The following PTPRQ variants were observed in gnomAD, a reference collection of about 807,000 sequenced individuals.
The protein encoded by PTPRQ is protein tyrosine phosphatase receptor type Q.
In PTPRQ, 199 loss-of-function variants were observed where a neutral mutation model predicts 246.0. That is an observed-to-expected ratio of 0.81 (90% confidence interval 0.72 to 0.91). The LOEUF (loss-of-function observed/expected upper bound fraction) is 0.91, where lower values mean the gene tolerates loss of function less well. Ranked by LOEUF, PTPRQ falls within the 40% of genes least tolerant of loss-of-function variation. The probability of loss-of-function intolerance (pLI) is 0.00; values close to 1 mark genes in which losing one functional copy is unlikely to be tolerated. For missense variants in PTPRQ, 2,624 were observed against 2,528.4 expected, an observed-to-expected ratio of 1.04 and a Z score of -0.81; for synonymous variants, 869 against 853.2, an observed-to-expected ratio of 1.02 and a Z score of -0.32.
intron 17 of PTPRQ, among the ~76,000 whole-genome samples, chr12:80,527,337 A>T (rs1895716914): frequency 6.6e-6 from 1 of 152,134 alleles, no homozygotes; most frequent in African/African-American, 2.4e-5. Context: ...TCATTATTAT[A>T]CTATACTATT....
At chr12:80,451,372 A>G (rs1309789775) in intron 3 of PTPRQ, among the ~76,000 whole-genome samples, 1 of 98,338 alleles carries the variant, frequency 1.0e-5, no homozygotes, top group African/African-American at 4.2e-5. Context: ...TTGTGTCTCT[A>G]TGTCCTTCAG....
chr12:80,546,106 T>A (rs901263447), intron 23 of PTPRQ, among the ~76,000 whole-genome samples: 1 of 152,062 alleles, frequency 6.6e-6, no homozygotes, highest in African/African-American at 2.4e-5. Flanking sequence ...TCACCTCAGG[T>A]CAGGAGTTCA....
rs1455591018 is a variant in PTPRQ, at chr12:80,670,329, C to CG, written c.6454-14dup. The CG allele has an allele frequency of 1.3e-6, 2 of 1,547,610 alleles. No individual in the cohort carries two copies. Among genetic ancestry groups the CG allele is most frequent in the African/African-American group, 2.7e-5 (2 of 72,736 alleles). ...TAAATAATTTTGTCATTCATTAATC[C>CG]GTCCCTTTGTCTAGCATGGGGATTG... is the stretch of plus-strand genomic sequence containing the variant. On this transcript the variant is annotated splice_polypyrimidine_tract_variant and intron_variant, in intron 41 of 44. Transcript: ENST00000644991.
intron 35 of PTPRQ, among the ~76,000 whole-genome samples, chr12:80,642,883 GCA>G (rs1168760822): frequency 1.1e-3 from 137 of 129,574 alleles, no homozygotes; most frequent in Non-Finnish European, 1.7e-3. Flanking sequence ...TCCCGCCACT[GCA>G]CTCCAGCCTG....
rs1894204790 is a variant in PTPRQ, at chr12:80,484,436, CA to C, written c.1191del (p.Ala399GlnfsTer10). On this transcript the variant is annotated frameshift_variant, in exon 9 of 45. Coordinates refer to ENST00000644991, the MANE Select transcript of PTPRQ (RefSeq NM_001145026.2). LOFTEE classifies it high-confidence loss of function. ...NISVFTPPDV[P>X]GAVFDLQLAE... ...TCTTTCTTTCTTTCTTTCTTAGTTCCAGGGGCAGTGTTTGATTTACAACTTG... is the reference window on the plus strand; with the variant it reads ...TCTTTCTTTCTTTCTTTCTTAGTTCCGGGGCAGTGTTTGATTTACAACTTG... 2 of 1,539,154 alleles carry C rather than the reference CA, an allele frequency of 1.3e-6. No individual in the cohort carries two copies. Among genetic ancestry groups the C allele is most frequent in the Non-Finnish European group, 1.7e-6 (2 of 1,143,292 alleles).
intron 9 of PTPRQ, among the ~76,000 whole-genome samples, chr12:80,486,920 G>A (rs979941451): frequency 6.6e-6 from 1 of 152,056 alleles, no homozygotes; most frequent in African/African-American, 2.4e-5. Flanking sequence ...AATACTTTCT[G>A]CAATTTTATG....
intron 38 of PTPRQ, among the ~76,000 whole-genome samples, chr12:80,656,027 G>A (rs551660669): frequency 4.6e-5 from 7 of 152,260 alleles, no homozygotes; most frequent in East Asian, 3.9e-4. Flanking sequence ...TTAGCTTGTA[G>A]TTGACTCAGA....
At chr12:80,547,822 T>C (rs17006927) in intron 24 of PTPRQ, among the ~76,000 whole-genome samples, 21,559 of 152,082 alleles carry the variant, frequency 0.14, 1,715 homozygotes, top group African/African-American at 0.21. Context: ...AAATGCCCAC[T>C]TCATAGAGTG....
chr12:80,589,071 C>A (rs1897709754), intron 26 of PTPRQ, among the ~76,000 whole-genome samples: 1 of 152,208 alleles, frequency 6.6e-6, no homozygotes, highest in Non-Finnish European at 1.5e-5. Flanking sequence ...AAGTGCTTTT[C>A]CATACAAACC....
In PTPRQ at chr12:80,460,649, C is replaced by T; in HGVS notation, c.661-4C>T. On this transcript the variant is annotated splice_polypyrimidine_tract_variant and splice_region_variant and intron_variant, in intron 5 of 44. Transcript: ENST00000644991. Reference sequence around the variant, plus strand: ...TTCTCTATTGATCTTATTTTATTTACTAGGAGAATAGTGAATCTTTTTTAT... The same window carrying T: ...TTCTCTATTGATCTTATTTTATTTATTAGGAGAATAGTGAATCTTTTTTAT... 1 of 398,498 alleles carries T rather than the reference C, an allele frequency of 2.5e-6. No individual in the cohort carries two copies. The highest frequency in any genetic ancestry group is 4.4e-6 in the Non-Finnish European group (1 of 225,996). The allele number at this position is 398,498 out of a possible 1,614,324, so 24.7% of individuals were successfully genotyped here.
At chr12:80,594,587 T>C (rs1897907292) in intron 26 of PTPRQ, among the ~76,000 whole-genome samples, 1 of 152,116 alleles carries the variant, frequency 6.6e-6, no homozygotes, top group Non-Finnish European at 1.5e-5. Flanking sequence ...AACTCCATAT[T>C]GCCACCTTCC....
intron 35 of PTPRQ, among the ~76,000 whole-genome samples, chr12:80,642,027 A>G (rs1899881811): frequency 6.6e-6 from 1 of 151,148 alleles, no homozygotes; most frequent in Non-Finnish European, 1.5e-5. Flanking sequence ...CTCTAACGCC[A>G]AATTTTCTTT....
In PTPRQ at chr12:80,669,374, G is replaced by T. The variant is rs111994950; in HGVS notation, c.6363G>T (p.Lys2121Asn). 8,132 of 1,549,814 alleles carry T rather than the reference G, an allele frequency of 5.2e-3. 351 individuals are homozygous for T. In the African/African-American group the frequency reaches 0.094, roughly 18 times the overall value. ...ATCAGTATTGGCCAGAGGACAACAAGCCAGTTACTGTCTTTGGAGATATAG... is the reference window on the plus strand; with the variant it reads ...ATCAGTATTGGCCAGAGGACAACAATCCAGTTACTGTCTTTGGAGATATAG... ...RCHQYWPEDN[K>N]PVTVFGDIVI... The change falls in exon 41 of 45, where the codon AAG becomes AAT. Residue 2121 changes from lysine (K) to asparagine (N), a missense_variant. Physicochemically the swap from Lys to Asn is moderately conservative, Grantham distance 94. Coordinates refer to ENST00000644991, the MANE Select transcript of PTPRQ (RefSeq NM_001145026.2).
intron 38 of PTPRQ, among the ~76,000 whole-genome samples, chr12:80,653,678 T>C (rs1900328679): frequency 6.6e-6 from 1 of 152,156 alleles, no homozygotes; most frequent in Non-Finnish European, 1.5e-5. Flanking sequence ...AATTCTTCTT[T>C]CTAGAAAGAC....
rs751574229 is a variant in PTPRQ at position 80,648,928 on chromosome 12, G to A, written c.5942+5G>A. Reference sequence around the variant, plus strand: ...TAGTTATAGAAAATCCATCAAGTAAGTTTGTTAAATATTTTCTTTCTTCTT... The same window carrying A: ...TAGTTATAGAAAATCCATCAAGTAAATTTGTTAAATATTTTCTTTCTTCTT... On this transcript the variant is annotated splice_donor_5th_base_variant and intron_variant, in intron 36 of 44. Coordinates refer to ENST00000644991, the MANE Select transcript of PTPRQ (RefSeq NM_001145026.2). 6 of 1,508,372 alleles carry A rather than the reference G, an allele frequency of 4.0e-6. No homozygotes were observed. The highest frequency in any genetic ancestry group is 5.3e-6 in the Non-Finnish European group (6 of 1,127,912). 93.4% of individuals were successfully genotyped at this position (1,508,372 alleles called of 1,614,324 possible).
intron 19 of PTPRQ, among the ~76,000 whole-genome samples, chr12:80,538,082 C>A (rs1287458027): frequency 6.6e-6 from 1 of 151,832 alleles, no homozygotes; most frequent in Non-Finnish European, 1.5e-5. Context: ...GCCCTCTAGC[C>A]TGGGCAACAG....
In PTPRQ at chr12:80,535,158, TATAAAACTCCCATTGAC is replaced by T. The variant is rs1895948961; in HGVS notation, c.2985+125_2985+141del. 1.8e-5 allele frequency: 18 copies of T among 996,928 alleles called. No individual in the cohort carries two copies. In the East Asian group the frequency reaches 5.3e-4, roughly 30 times the overall value. The allele number at this position is 996,928 out of a possible 1,614,324, so 61.8% of individuals were successfully genotyped here. A position where few individuals can be genotyped will look rare whatever the true frequency, so the allele number is the denominator to read the frequency against. ...TTGATAATTAGGCACAGATGTATTT[TATAAAACTCCCATTGAC>T]ATAGAAAAATGCGGTGTAGAAATGT... On this transcript the variant is annotated intron_variant, in intron 19 of 44. Transcript: ENST00000644991.
chr12:80,483,679 C>A (rs1277312685), intron 8 of PTPRQ, among the ~76,000 whole-genome samples: 1 of 151,894 alleles, frequency 6.6e-6, no homozygotes, highest in African/African-American at 2.4e-5. Context: ...TGGTTTACTG[C>A]ACCCATCAAA....
At chr12:80,570,442 C>T (rs1592667720) in intron 25 of PTPRQ, among the ~76,000 whole-genome samples, 1 of 151,750 alleles carries the variant, frequency 6.6e-6, no homozygotes, top group Non-Finnish European at 1.5e-5. Context: ...TGTTTTTTTT[C>T]TTGTAAATTT....
Sources: gnomAD v4.1 joint callset for allele counts (sites outside exome capture counted in the v4.1 genomes callset) on GRCh38, gnomAD v4.1.1 for gene constraint, MANE v1.5 for transcripts, NCBI Gene and HGNC (gene_info 2026-07-23, HGNC 2026-07-21) for gene names.